TMC1: variants seen among roughly 807,000 people sequenced by gnomAD.
TMC1 encodes transmembrane channel-like protein 1.
A neutral mutation model predicts 105.8 loss-of-function variants in TMC1; 84 were observed. The observed-to-expected ratio is 0.79, with a 90% CI of 0.67 to 0.95. The LOEUF (loss-of-function observed/expected upper bound fraction) is 0.95. Among genes scored for constraint, TMC1 ranks in the 40% least tolerant of loss-of-function variants. The pLI is 0.00. For missense variants in TMC1, 817 were observed against 914.1 expected, an observed-to-expected ratio of 0.89 and a Z score of 1.37; for synonymous variants, 315 against 311.5, an observed-to-expected ratio of 1.01 and a Z score of -0.12.
At chr9:72,567,039 TTTA>T (rs1214884216) in intron 1 of TMC1, among the ~76,000 whole-genome samples, 4 of 152,222 alleles carry the variant, frequency 2.6e-5, no homozygotes, top group Admixed American at 2.6e-4. Context: ...CAGATGTTCC[TTTA>T]TAATTTTTCT....
In TMC1 at chr9:72,792,188, T is replaced by C; in HGVS notation, c.1405-3T>C. The C allele has an allele frequency of 6.2e-7, 1 of 1,614,180 alleles. No individual in the cohort carries two copies. Among genetic ancestry groups the C allele is most frequent in the South Asian group, 1.1e-5 (1 of 91,088 alleles). On this transcript the variant is annotated splice_polypyrimidine_tract_variant and splice_region_variant and intron_variant, in intron 16 of 23. Transcript: ENST00000297784. ...TTTTAGTTTCTATCTCTTTGCTTTC[T>C]AGATTGAAGAGGAGAAGCTAGTAAA...
chr9:72,629,414 A>G (rs1243025568), intron 4 of TMC1, among the ~76,000 whole-genome samples: 2 of 152,172 alleles, frequency 1.3e-5, no homozygotes, highest in East Asian at 3.8e-4. Context: ...CACGGTGATA[A>G]ATAATGCAGA....
intron 1 of TMC1, among the ~76,000 whole-genome samples, chr9:72,534,977 A>G (rs1277626716): frequency 6.6e-6 from 1 of 152,082 alleles, no homozygotes; most frequent in Non-Finnish European, 1.5e-5. Flanking sequence ...AAATATATCT[A>G]TTATCTAAGT....
At chr9:72,772,665 C>T in intron 13 of TMC1, 110 bp downstream of exon 13, 1 of 1,399,758 alleles carries the variant, frequency 7.1e-7, no homozygotes, top group Non-Finnish European at 1.0e-6. Flanking sequence ...CTAAAGGAAA[C>T]AGAGTCTGTA....
In TMC1 at chr9:72,755,833, A is replaced by T. The variant is rs11143390; in HGVS notation, c.741+949A>T. On this transcript the variant is annotated intron_variant, in intron 12 of 23. Transcript: ENST00000297784. ...ATATGTATATCTCACAAACATTTTGATTTCTACTTTTAACCTCCTTAAATT... is the reference window on the plus strand; with the variant it reads ...ATATGTATATCTCACAAACATTTTGTTTTCTACTTTTAACCTCCTTAAATT... Among the ~76,000 whole-genome samples the T allele has an allele frequency of 8.5e-3, 1,302 of 152,298 alleles. 9 individuals carry two copies. Among genetic ancestry groups the T allele is most frequent in the Non-Finnish European group, 0.015 (1,000 of 68,008 alleles).
chr9:72,760,050 T>C (rs1002742935), intron 12 of TMC1, among the ~76,000 whole-genome samples: 5 of 152,174 alleles, frequency 3.3e-5, no homozygotes, highest in Admixed American at 1.3e-4. Context: ...GAATGAGAGC[T>C]TTCATGTTTT....
At chr9:72,654,119 G>A (rs1825851867) in intron 5 of TMC1, among the ~76,000 whole-genome samples, 1 of 152,152 alleles carries the variant, frequency 6.6e-6, no homozygotes, top group Non-Finnish European at 1.5e-5. Flanking sequence ...TGTTGTGAAT[G>A]TTTGGATTGG....
At chr9:72,641,737 CTTA>C (rs781188830) in intron 4 of TMC1, among the ~76,000 whole-genome samples, 5 of 147,326 alleles carry the variant, frequency 3.4e-5, no homozygotes, top group African/African-American at 1.0e-4. Context: ...TTATGGACAA[CTTA>C]TTATTAATAT....
chr9:72,820,771 T>C, intron 19 of TMC1, 71 bp from the exon 20 acceptor site: 1 of 1,594,946 alleles, frequency 6.3e-7, no homozygotes, highest in Non-Finnish European at 8.6e-7. Flanking sequence ...TGATGTCAAA[T>C]AAACAGGTGC....
intron 2 of TMC1, among the ~76,000 whole-genome samples, chr9:72,615,714 T>A (rs1446032365): frequency 2.0e-5 from 3 of 152,088 alleles, no homozygotes; most frequent in Non-Finnish European, 2.9e-5. Flanking sequence ...ATTCACAGAA[T>A]AATTTTCCAG....
chr9:72,679,867 C>T (rs1264941704), intron 5 of TMC1, among the ~76,000 whole-genome samples: 1 of 152,008 alleles, frequency 6.6e-6, no homozygotes, highest in Non-Finnish European at 1.5e-5. Flanking sequence ...ATGCCTATTT[C>T]ACAGAGGTCT....
intron 8 of TMC1, among the ~76,000 whole-genome samples, chr9:72,707,622 G>C (rs1348870712): frequency 6.6e-6 from 1 of 151,786 alleles, no homozygotes; most frequent in Non-Finnish European, 1.5e-5. Context: ...TATTTTTCTT[G>C]CTAATTTGTT....
At chr9:72,759,198 G>A (rs534515089) in intron 12 of TMC1, among the ~76,000 whole-genome samples, 5 of 152,248 alleles carry the variant, frequency 3.3e-5, no homozygotes, top group African/African-American at 1.2e-4. Flanking sequence ...TTTTGAGTGT[G>A]CTCGAACAGA....
At chr9:72,561,317 CAAAAAA>C (rs375862130) in intron 1 of TMC1, among the ~76,000 whole-genome samples, 2 of 76,406 alleles carry the variant, frequency 2.6e-5, no homozygotes, top group South Asian at 5.0e-4. Context: ...GACTCCGTCT[CAAAAAA>C]AAAAAAAAAA....
intron 1 of TMC1, among the ~76,000 whole-genome samples, chr9:72,550,455 G>A (rs1236999875): frequency 2.6e-5 from 4 of 151,672 alleles, no homozygotes; most frequent in South Asian, 2.1e-4. Context: ...GTGACAGAGC[G>A]AGACCAGCCT....
At chr9:72,721,017 G>C (rs1353957233) in intron 8 of TMC1, among the ~76,000 whole-genome samples, 1 of 152,000 alleles carries the variant, frequency 6.6e-6, no homozygotes, top group African/African-American at 2.4e-5. Context: ...TGCAAATGGG[G>C]GGCCCCTTGT....
At chr9:72,598,174 C>A (rs570131430) in intron 2 of TMC1, among the ~76,000 whole-genome samples, 2 of 152,258 alleles carry the variant, frequency 1.3e-5, no homozygotes, top group South Asian at 4.1e-4. Context: ...CTTCTGGAGT[C>A]CCCCCACATA....
At chr9:72,523,156 CAA>C (rs2132051432) in intron 1 of TMC1, among the ~76,000 whole-genome samples, 1 of 151,966 alleles carries the variant, frequency 6.6e-6, no homozygotes, top group East Asian at 1.9e-4. Flanking sequence ...GAGCATCTCA[CAA>C]AGACTCGGGG....
At chr9:72,821,824 C>G (rs1169120477) in intron 20 of TMC1, among the ~76,000 whole-genome samples, 2 of 151,954 alleles carry the variant, frequency 1.3e-5, no homozygotes, top group East Asian at 1.9e-4. Flanking sequence ...GAGAGAGAGA[C>G]AGACAGAGAG....
Sources: gnomAD v4.1 joint callset for allele counts (sites outside exome capture counted in the v4.1 genomes callset) on GRCh38, gnomAD v4.1.1 for gene constraint, MANE v1.5 for transcripts, NCBI Gene and HGNC (gene_info 2026-07-23, HGNC 2026-07-21) for gene names.